Variants in DHRS12 observed in about 807,000 individuals in gnomAD.
The protein encoded by DHRS12 is dehydrogenase/reductase 12, also known as dehydrogenase/reductase SDR family member 12.
Under a neutral mutation model 32.1 loss-of-function variants are expected in DHRS12, and 29 were observed. That is an observed-to-expected ratio of 0.90 (90% CI 0.67 to 1.23). The LOEUF (loss-of-function observed/expected upper bound fraction) is 1.23. DHRS12 is among the 50% of genes most tolerant of loss of function. The probability of loss-of-function intolerance (pLI) is 0.00; values close to 1 mark genes in which losing one functional copy is unlikely to be tolerated. For synonymous variants in DHRS12, 150 were observed against 135.9 expected, an observed-to-expected ratio of 1.10 and a Z score of -0.72; for missense variants, 330 against 337.2, an observed-to-expected ratio of 0.98 and a Z score of 0.17.
intron 4 of DHRS12, among the ~76,000 whole-genome samples, chr13:51,788,524 T>A (rs1955102399): frequency 1.3e-5 from 2 of 152,050 alleles, no homozygotes; most frequent in African/African-American, 4.8e-5. Context: ...CCTTCTTCCA[T>A]CTGCCAGGGA....
At chr13:51,772,938 G>A (rs1030060545) in intron 6 of DHRS12, 3 of 985,494 alleles carry the variant, frequency 3.0e-6, no homozygotes, top group Non-Finnish European at 3.6e-6. Context: ...AGAAGTGGAG[G>A]TGCAGAGAGT....
chr13:51,773,144 C>T (rs1429902860), intron 6 of DHRS12: 1 of 882,406 alleles, frequency 1.1e-6, no homozygotes, highest in Non-Finnish European at 1.4e-6. Flanking sequence ...GAGCATCCTT[C>T]ATCTGAAATG....
chr13:51,771,722 G>A (rs1469627455), intron 7 of DHRS12, 99 bp downstream of exon 7: 50 of 1,452,406 alleles, frequency 3.4e-5, no homozygotes, highest in African/African-American at 5.6e-5. Flanking sequence ...TCCTCATTAC[G>A]CTGGTTTTAG....
chr13:51,759,834 T>G, the DHRS12 span: 1 of 1,361,494 alleles, frequency 7.3e-7, no homozygotes, highest in Non-Finnish European at 1.0e-6. Context: ...CCCAAATCAT[T>G]ACCAGAGTGG....
chr13:51,781,295 G>C (rs1954692082), intron 4 of DHRS12, among the ~76,000 whole-genome samples: 1 of 152,206 alleles, frequency 6.6e-6, no homozygotes, highest in South Asian at 2.1e-4. Flanking sequence ...TCAGAGAGTG[G>C]TTAGCGTGAG....
rs755792607 is a variant in DHRS12, at chr13:51,799,608, G to A, written c.52C>T (p.Leu18=). 2.4e-5 allele frequency: 38 copies of A among 1,613,990 alleles called. No homozygotes were observed. In the East Asian group the frequency reaches 7.1e-4, roughly 30 times the overall value. Residue 18 remains leucine, a synonymous_variant, in exon 2 of 9, where the codon CTG becomes TTG. Coordinates refer to ENST00000444610, the MANE Select transcript of DHRS12 (RefSeq NM_001377533.1). ...TCCAGTGACCAAAAAGACTCTTCCA[G>A]GAATCTGGACCTCCAAGTCATGAGG... ...LSLMTWRSRF[L]EESFWSLEET...
chr13:51,803,988 T>A (rs1955877988), intron 1 of DHRS12, 66 bp downstream of exon 1: 1 of 1,374,346 alleles, frequency 7.3e-7, no homozygotes, highest in Admixed American at 3.2e-5. Flanking sequence ...CCGCCAACCC[T>A]GCTCGCCCGC....
the DHRS12 span, chr13:51,758,401 G>A: frequency 1.5e-5 from 12 of 802,858 alleles, no homozygotes; most frequent in South Asian, 2.1e-5. Flanking sequence ...GTTATCCTTG[G>A]GTAGCCGGCC....
At chr13:51,777,244 T>C in intron 4 of DHRS12, 123 bp from the exon 5 acceptor site, 1 of 966,076 alleles carries the variant, frequency 1.0e-6, no homozygotes, top group Non-Finnish European at 1.6e-6. Context: ...AGTGGCCACC[T>C]GAGGGGCAGT....
intron 4 of DHRS12, among the ~76,000 whole-genome samples, chr13:51,781,541 G>C (rs1005601463): frequency 2.0e-5 from 3 of 152,340 alleles, no homozygotes; most frequent in African/African-American, 7.2e-5. Flanking sequence ...ATGGGCACAT[G>C]GGGGTGGGAC....
intron 6 of DHRS12, 34 bp from the exon 7 acceptor site, chr13:51,771,945 AGAG>A: frequency 2.5e-6 from 4 of 1,607,868 alleles, no homozygotes; most frequent in East Asian, 2.2e-5. Flanking sequence ...TGAACAGGAG[AGAG>A]GAGGCGCCAT....
intron 5 of DHRS12, chr13:51,774,332 T>C (rs1370020907): frequency 1.3e-5 from 2 of 150,550 alleles, no homozygotes; most frequent in Non-Finnish European, 3.0e-5. Flanking sequence ...TGTATTCTCC[T>C]ACAGTATTCT....
At chr13:51,777,841 T>C (rs1954511988) in intron 4 of DHRS12, among the ~76,000 whole-genome samples, 1 of 152,238 alleles carries the variant, frequency 6.6e-6, no homozygotes, top group Non-Finnish European at 1.5e-5. Flanking sequence ...ATTGTTTCTA[T>C]ATTCTTCTTA....
At chr13:51,773,078 T>C (rs1593509568) in intron 6 of DHRS12, 3 of 984,734 alleles carry the variant, frequency 3.0e-6, no homozygotes, top group Admixed American at 6.1e-5. Context: ...ATGGAAGTTA[T>C]ATATATCCGG....
rs763819100 is a variant in DHRS12, at chr13:51,791,270, G to C, written c.127-13C>G. ...GCAGAAAAATGTTCTAAATTAGAAA[G>C]CAAAAAAAAAAAAAACCCTTTTTAA... On this transcript the variant is annotated splice_polypyrimidine_tract_variant and intron_variant, in intron 2 of 8. Coordinates refer to ENST00000444610, the MANE Select transcript of DHRS12 (RefSeq NM_001377533.1). The C allele has an allele frequency of 4.6e-6, 5 of 1,097,002 alleles. No homozygotes were observed. Among genetic ancestry groups the C allele is most frequent in the South Asian group, 4.8e-5 (2 of 41,602 alleles). 68.0% of individuals were successfully genotyped at this position (1,097,002 alleles called of 1,614,324 possible).
At chr13:51,777,640 G>A (rs1285517403) in intron 4 of DHRS12, among the ~76,000 whole-genome samples, 1 of 152,136 alleles carries the variant, frequency 6.6e-6, no homozygotes, top group African/African-American at 2.4e-5. Context: ...AATGGAATGA[G>A]AAAAACACTG....
chr13:51,772,596 T>A (rs1377293907), intron 6 of DHRS12: 1 of 982,658 alleles, frequency 1.0e-6, no homozygotes, highest in African/African-American at 1.7e-5. Context: ...GCAGTATATA[T>A]GAATTAACTC....
At chr13:51,772,193 C>T (rs1273602392) in intron 6 of DHRS12, among the ~76,000 whole-genome samples, 1 of 152,078 alleles carries the variant, frequency 6.6e-6, no homozygotes, top group Non-Finnish European at 1.5e-5. Flanking sequence ...GAAATTACAC[C>T]CCTCAGTGCC....
In DHRS12 at chr13:51,768,795, GC is replaced by G. The variant is rs751501238; in HGVS notation, c.697+360del. On this transcript the variant is annotated intron_variant, in intron 8 of 8. Coordinates refer to ENST00000444610, the MANE Select transcript of DHRS12 (RefSeq NM_001377533.1). ...AGAAGCAGAGTCCCTTACACCCTTT[GC>G]ACTGCAGAGAAGCAGAGTCCGTTAC... is the stretch of plus-strand genomic sequence containing the variant. The G allele has an allele frequency of 2.6e-5, 32 of 1,225,002 alleles. No individual in the cohort carries two copies. In the South Asian group the frequency reaches 6.0e-4, roughly 23 times the overall value. 75.9% of individuals were successfully genotyped at this position (1,225,002 alleles called of 1,614,324 possible).
Sources: gnomAD v4.1 joint callset for allele counts (sites outside exome capture counted in the v4.1 genomes callset) on GRCh38, gnomAD v4.1.1 for gene constraint, MANE v1.5 for transcripts, NCBI Gene and HGNC (gene_info 2026-07-23, HGNC 2026-07-21) for gene names.